Variants in NDUFV2 observed in about 807,000 individuals in gnomAD.
NDUFV2 encodes NADH dehydrogenase [ubiquinone] flavoprotein 2, mitochondrial.
In NDUFV2, 18 loss-of-function variants were observed where a neutral mutation model predicts 31.6. The ratio of observed to expected loss-of-function variants is 0.57; its 90% CI spans 0.39 to 0.84. The LOEUF (loss-of-function observed/expected upper bound fraction) is 0.84, where lower values mean the gene tolerates loss of function less well. Ranked by LOEUF, NDUFV2 falls within the 40% of genes least tolerant of loss-of-function variation. The pLI is 0.00. For synonymous variants in NDUFV2, 83 were observed against 99.8 expected (o/e 0.83, Z 1.01); for missense variants, 314 against 303.6 (o/e 1.03, Z -0.26).
chr18:9,126,691 T>G, intron 6 of NDUFV2, 140 bp from the exon 7 acceptor site: 1 of 717,578 alleles, frequency 1.4e-6, no homozygotes, highest in Non-Finnish European at 2.5e-6. Context: ...TCCCAGCACT[T>G]TGGGAGGCTG....
intron 1 of NDUFV2, chr18:9,104,902 G>A: frequency 3.4e-6 from 5 of 1,481,240 alleles, no homozygotes; most frequent in South Asian, 1.4e-5. Flanking sequence ...TTGTCAACCT[G>A]GAAATTACCA....
At chr18:9,111,698 G>C (rs1035055444) in intron 1 of NDUFV2, among the ~76,000 whole-genome samples, 20 of 151,850 alleles carry the variant, frequency 1.3e-4, no homozygotes, top group African/African-American at 4.9e-4. Context: ...TAAAGTGATG[G>C]GATTACAGGC....
intron 4 of NDUFV2, among the ~76,000 whole-genome samples, chr18:9,119,903 TG>T (rs1002601688): frequency 1.3e-5 from 2 of 152,146 alleles, no homozygotes; most frequent in African/African-American, 4.8e-5. Flanking sequence ...CAAGATATTC[TG>T]AAAATTAATG....
rs141021925 is a variant in NDUFV2, at chr18:9,130,401, C to A, written c.656+3494C>A. Among the ~76,000 whole-genome samples the A allele has an allele frequency of 6.6e-3, 1,006 of 152,274 alleles. 10 individuals are homozygous for A. The highest frequency in any genetic ancestry group is 0.022 in the African/African-American group (930 of 41,546). ...CAGTGTTCTGGATTTGAGCCAAATACTTCAAAATTATTCGTGTCCGAATCT... is the reference window on the plus strand; with the variant it reads ...CAGTGTTCTGGATTTGAGCCAAATAATTCAAAATTATTCGTGTCCGAATCT... On this transcript the variant is annotated intron_variant, in intron 7 of 7. Transcript: ENST00000318388.
At chr18:9,115,272 G>T (rs2077892314) in intron 1 of NDUFV2, among the ~76,000 whole-genome samples, 2 of 152,032 alleles carry the variant, frequency 1.3e-5, no homozygotes, top group Admixed American at 1.3e-4. Flanking sequence ...CTTTTAATCA[G>T]TGTCTGTATT....
rs754895328 is a variant in NDUFV2 at position 9,117,953 on chromosome 18, G to A, written c.120+50G>A. The A allele has an allele frequency of 8.5e-6, 11 of 1,294,300 alleles. No individual in the cohort carries two copies. The South Asian group carries it at 1.2e-4, about 14-fold the overall frequency. The allele number at this position is 1,294,300 out of a possible 1,614,324, so 80.2% of individuals were successfully genotyped here. ...GGAAAGAAAAGACTTGGAAATTGGG[G>A]TAAATCCATTGTAAAAATCCAAAAT... On this transcript the variant is annotated intron_variant, in intron 2 of 7. Coordinates refer to ENST00000318388, the MANE Select transcript of NDUFV2 (RefSeq NM_021074.5).
Position 9,119,408 on chromosome 18 carries a change from A to G in NDUFV2, c.183+20A>G. Reference sequence around the variant, plus strand: ...TATAAGGTATGGCTAAATTAACATTATAATTAATTTACCAAATAGGTAATA... The same window carrying G: ...TATAAGGTATGGCTAAATTAACATTGTAATTAATTTACCAAATAGGTAATA... On this transcript the variant is annotated intron_variant, in intron 3 of 7. Coordinates refer to ENST00000318388, the MANE Select transcript of NDUFV2 (RefSeq NM_021074.5). 1.2e-6 allele frequency: 2 copies of G among 1,605,338 alleles called. No homozygotes were observed. The highest frequency in any genetic ancestry group is 1.7e-6 in the Non-Finnish European group (2 of 1,172,272).
intron 1 of NDUFV2, among the ~76,000 whole-genome samples, chr18:9,113,392 T>C (rs1467895607): frequency 2.0e-5 from 3 of 152,184 alleles, no homozygotes; most frequent in Non-Finnish European, 4.4e-5. Context: ...TTAAGAACTT[T>C]GACAGATCTG....
Position 9,122,595 on chromosome 18 carries a change from G to C in NDUFV2, c.383G>C (p.Gly128Ala). ...ACAATGTATAATCGAAAGCCAGTTG[G>C]AAAGTATCACATTCAGGTCTGCACT... ...FYTMYNRKPV[G>A]KYHIQVCTTT... The change falls in exon 5 of 8, where the codon GGA becomes GCA. Residue 128 changes from glycine to alanine, a missense_variant. Physicochemically the swap from Gly to Ala is moderately conservative, Grantham distance 60. Coordinates refer to ENST00000318388, the MANE Select transcript of NDUFV2 (RefSeq NM_021074.5). 6.2e-7 allele frequency: 1 copy of C among 1,614,000 alleles called. No individual in the cohort carries two copies. Among genetic ancestry groups the C allele is most frequent in the Non-Finnish European group, 8.5e-7 (1 of 1,179,926 alleles).
intron 4 of NDUFV2, among the ~76,000 whole-genome samples, chr18:9,120,355 T>C (rs1470698853): frequency 1.3e-5 from 2 of 152,222 alleles, no homozygotes; most frequent in Non-Finnish European, 2.9e-5. Context: ...TTCTCTGAAC[T>C]TCCTCATTGG....
At chr18:9,104,198 T>C (rs1337953697) in intron 1 of NDUFV2, 1 of 1,611,790 alleles carries the variant, frequency 6.2e-7, no homozygotes, top group Non-Finnish European at 8.5e-7. Flanking sequence ...GATCGGTATG[T>C]ATGAGAAGCC....
intron 1 of NDUFV2, among the ~76,000 whole-genome samples, chr18:9,105,136 A>G (rs2077835301): frequency 6.6e-6 from 1 of 152,248 alleles, no homozygotes; most frequent in African/African-American, 2.4e-5. Flanking sequence ...ACCTTTCACA[A>G]GTAGTGAGAT....
At chr18:9,127,103 G>T (rs2077997773) in intron 7 of NDUFV2, among the ~76,000 whole-genome samples, 196 bp downstream of exon 7, 1 of 152,082 alleles carries the variant, frequency 6.6e-6, no homozygotes, top group Non-Finnish European at 1.5e-5. Flanking sequence ...TCCGATACCT[G>T]AATATTTATA....
At chr18:9,118,032 C>T (rs2144740043) in intron 2 of NDUFV2, 129 bp downstream of exon 2, 1 of 690,652 alleles carries the variant, frequency 1.4e-6, no homozygotes, top group East Asian at 2.7e-5. Flanking sequence ...AATTTACATA[C>T]AGCTAATTGA....
intron 1 of NDUFV2, among the ~76,000 whole-genome samples, chr18:9,106,592 C>T (rs1219895259): frequency 6.6e-6 from 1 of 152,128 alleles, no homozygotes; most frequent in Non-Finnish European, 1.5e-5. Context: ...TCCATTGTGA[C>T]TCAAAGGACT....
At chr18:9,132,719 A>C (rs1343550851) in intron 7 of NDUFV2, among the ~76,000 whole-genome samples, 6 of 152,250 alleles carry the variant, frequency 3.9e-5, no homozygotes, top group African/African-American at 1.4e-4. Context: ...TACGAAAAAT[A>C]CAAAAATTAG....
chr18:9,114,445 CTTTTTT>C (rs58160760), intron 1 of NDUFV2, among the ~76,000 whole-genome samples: 28 of 135,864 alleles, frequency 2.1e-4, no homozygotes, highest in Admixed American at 3.6e-4. Context: ...TTGTTTGGAT[CTTTTTT>C]TTTTTTTTTT....
intron 5 of NDUFV2, among the ~76,000 whole-genome samples, chr18:9,123,677 A>G (rs1410783769): frequency 6.6e-6 from 1 of 152,086 alleles, no homozygotes; most frequent in East Asian, 1.9e-4. Flanking sequence ...TTTTGTAGAG[A>G]GGGGTCTTGC....
At chr18:9,124,742 C>A in intron 5 of NDUFV2, 132 bp from the exon 6 acceptor site, 2 of 894,768 alleles carry the variant, frequency 2.2e-6, no homozygotes, top group Non-Finnish European at 3.3e-6. Context: ...GCCACCGCGC[C>A]TGGCCTCTTT....
Sources: allele counts gnomAD v4.1 joint callset (sites outside exome capture counted in the v4.1 genomes callset), GRCh38; gene constraint gnomAD v4.1.1; transcripts MANE v1.5; gene names NCBI Gene and HGNC (gene_info 2026-07-23, HGNC 2026-07-21).